The following PKIG variants were observed in gnomAD, a reference collection of about 807,000 sequenced individuals.
PKIG encodes cAMP-dependent protein kinase inhibitor gamma, also known as protein kinase (cAMP-dependent, catalytic) inhibitor gamma.
In PKIG, 1 loss-of-function variant was observed where a neutral mutation model predicts 6.8. That is an observed-to-expected ratio of 0.15 (90% CI 0.05 to 0.69). PKIG has a LOEUF of 0.69. PKIG is among the 30% of genes least tolerant of loss of function. The pLI is 0.82. For synonymous variants in PKIG, 39 were observed against 43.0 expected, an observed-to-expected ratio of 0.91 and a Z score of 0.36; for missense variants, 77 against 104.0, an observed-to-expected ratio of 0.74 and a Z score of 1.13.
chr20:44,544,636 C>A (rs749754695), intron 1 of PKIG, among the ~76,000 whole-genome samples: 1 of 152,148 alleles, frequency 6.6e-6, no homozygotes, highest in Admixed American at 6.5e-5. Context: ...CTTTAAAGTA[C>A]CCTAAGTCCC....
intron 1 of PKIG, among the ~76,000 whole-genome samples, chr20:44,545,323 GTTTAGT>G (rs1437809805): frequency 7.2e-4 from 110 of 151,956 alleles, no homozygotes; most frequent in Non-Finnish European, 1.5e-4. Flanking sequence ...TCCCCAGCCT[GTTTAGT>G]TTTATTATTG....
intron 2 of PKIG, among the ~76,000 whole-genome samples, chr20:44,610,724 CA>C (rs1368442050): frequency 1.3e-5 from 2 of 152,114 alleles, no homozygotes; most frequent in Non-Finnish European, 2.9e-5. Flanking sequence ...GATGTTTTTT[CA>C]GATTTTTTTT....
intron 2 of PKIG, among the ~76,000 whole-genome samples, chr20:44,601,067 G>A (rs1436346338): frequency 6.6e-6 from 1 of 152,158 alleles, no homozygotes; most frequent in Non-Finnish European, 1.5e-5. Flanking sequence ...CTGGTTGGAG[G>A]GAGGCCCAAA....
At chr20:44,532,152 C>A (rs1176678154) in intron 1 of PKIG, among the ~76,000 whole-genome samples, 2 of 152,190 alleles carry the variant, frequency 1.3e-5, no homozygotes, top group African/African-American at 4.8e-5. Context: ...GACCCCGCCC[C>A]GCGTTCAGGG....
chr20:44,546,957 C>T (rs772708553), intron 1 of PKIG, among the ~76,000 whole-genome samples: 27 of 152,194 alleles, frequency 1.8e-4, no homozygotes, highest in Non-Finnish European at 2.9e-4. Context: ...CATAGCACTT[C>T]AAACTTTTCT....
intron 1 of PKIG, among the ~76,000 whole-genome samples, chr20:44,551,958 T>C (rs968977281): frequency 6.6e-5 from 10 of 152,208 alleles, no homozygotes; most frequent in African/African-American, 2.4e-4. Flanking sequence ...CCATTAAGAG[T>C]GTCTCCCCGT....
At chr20:44,595,945 T>A (rs1478976390) in intron 2 of PKIG, among the ~76,000 whole-genome samples, 2 of 152,256 alleles carry the variant, frequency 1.3e-5, no homozygotes, top group Non-Finnish European at 2.9e-5. Context: ...GCCAATTTTT[T>A]ATTTTATTAA....
At chr20:44,554,758 CTG>C (rs2064698859) in intron 1 of PKIG, among the ~76,000 whole-genome samples, 1 of 152,170 alleles carries the variant, frequency 6.6e-6, no homozygotes, top group African/African-American at 2.4e-5. Context: ...AGACAACAGA[CTG>C]TGTTTTTTCA....
intron 2 of PKIG, among the ~76,000 whole-genome samples, chr20:44,602,734 G>T (rs1435391129): frequency 1.3e-5 from 2 of 152,052 alleles, no homozygotes; most frequent in African/African-American, 2.4e-5. Context: ...CCAGCTACTT[G>T]GGAGGCTGAG....
At chr20:44,569,246 A>G (rs2064834733) in intron 1 of PKIG, among the ~76,000 whole-genome samples, 2 of 152,372 alleles carry the variant, frequency 1.3e-5, no homozygotes, top group South Asian at 4.1e-4. Context: ...CATGTCTAGT[A>G]GAATACCTAT....
In PKIG at chr20:44,554,128, G is replaced by A. The variant is rs1004271255; in HGVS notation, c.-241+22150G>A. Among the ~76,000 whole-genome samples, 8 of 151,718 alleles carry A rather than the reference G, an allele frequency of 5.3e-5. 1 individual carries two copies. In the South Asian group the frequency reaches 1.5e-3, roughly 28 times the overall value. On this transcript the variant is annotated intron_variant, in intron 1 of 4. Coordinates refer to the PKIG transcript ENST00000372887. ...GCTCTGTCGCCCAGGCTGGAGTGCT[G>A]TGATATGATCTCAATCTCAGTTCAC...
chr20:44,609,574 A>G (rs1453437232), intron 2 of PKIG, among the ~76,000 whole-genome samples: 2 of 152,194 alleles, frequency 1.3e-5, no homozygotes, highest in Non-Finnish European at 2.9e-5. Flanking sequence ...GCGAGTGTGC[A>G]TGGAGCGCCT....
At position 44,555,554 on chromosome 20, in the gene PKIG, G is replaced by A. The variant is rs537900330; in HGVS notation, c.-241+23576G>A. The stretch of plus-strand genomic sequence containing the variant: ...TTAGATAAGTTACAGAGTAGTTTAG[G>A]CCCACATGATTTAAGCTCACCCACA... On this transcript the variant is annotated intron_variant, in intron 1 of 4. Coordinates refer to the PKIG transcript ENST00000372887. Among the ~76,000 whole-genome samples the A allele has an allele frequency of 9.2e-5, 14 of 152,264 alleles. No homozygotes were observed. In the South Asian group the frequency reaches 1.5e-3, roughly 16 times the overall value.
intron 1 of PKIG, among the ~76,000 whole-genome samples, chr20:44,557,492 CT>C (rs1188812989): frequency 6.8e-6 from 1 of 146,752 alleles, no homozygotes; most frequent in African/African-American, 2.6e-5. Flanking sequence ...CACCACTGCA[CT>C]CCAGCTGGGT....
At chr20:44,532,193 G>C (rs1400772675) in intron 1 of PKIG, among the ~76,000 whole-genome samples, 1 of 152,158 alleles carries the variant, frequency 6.6e-6, no homozygotes, top group Non-Finnish European at 1.5e-5. Flanking sequence ...TATTATATTT[G>C]TAGCCATTGG....
chr20:44,583,250 T>G (rs1054258769), intron 1 of PKIG, among the ~76,000 whole-genome samples: 1 of 152,228 alleles, frequency 6.6e-6, no homozygotes, highest in Non-Finnish European at 1.5e-5. Context: ...AACCCAGTGC[T>G]GCAGCAGCTG....
chr20:44,564,060 A>G (rs2064790339), intron 1 of PKIG: 1 of 152,230 alleles, frequency 6.6e-6, no homozygotes, highest in African/African-American at 2.4e-5. Context: ...GTGAGGTCAT[A>G]AAATATGCCA....
Position 44,548,899 on chromosome 20 carries a change from CACACATAT to C in PKIG, c.-241+16923_-241+16930del, listed in dbSNP as rs1305625010. Among the ~76,000 whole-genome samples the C allele has an allele frequency of 2.6e-4, 24 of 91,778 alleles. 1 individual carries two copies. Among genetic ancestry groups the C allele is most frequent in the African/African-American group, 1.1e-3 (19 of 17,586 alleles). 60.2% of individuals were successfully genotyped at this position (91,778 alleles called of 152,430 possible). A position where few individuals can be genotyped will look rare whatever the true frequency, so the allele number is the denominator to read the frequency against. ...ACACACACACACACACACACACACA[CACACATAT>C]ATCTGTCTGAGATAATAATTAGATA... On this transcript the variant is annotated intron_variant, in intron 1 of 4. Coordinates refer to the PKIG transcript ENST00000372887.
At chr20:44,561,107 G>A (rs1600852754) in intron 1 of PKIG, among the ~76,000 whole-genome samples, 1 of 152,248 alleles carries the variant, frequency 6.6e-6, no homozygotes, top group Non-Finnish European at 1.5e-5. Context: ...GGAGGCCTAG[G>A]CAGGTGGATC....
Sources: allele counts gnomAD v4.1 joint callset (sites outside exome capture counted in the v4.1 genomes callset), GRCh38; gene constraint gnomAD v4.1.1; transcripts MANE v1.5; gene names NCBI Gene and HGNC (gene_info 2026-07-23, HGNC 2026-07-21).